Variants in PTPRN2 observed in about 807,000 individuals in gnomAD.
The protein encoded by PTPRN2 is protein tyrosine phosphatase receptor type N2.
Under a neutral mutation model 118.8 loss-of-function variants are expected in PTPRN2, and 74 were observed. The ratio of observed to expected loss-of-function variants is 0.62; its 90% CI spans 0.52 to 0.76. PTPRN2 has a LOEUF of 0.76. PTPRN2 is among the 30% of genes least tolerant of loss of function. The pLI, the probability that PTPRN2 is intolerant of heterozygous loss-of-function variation, is 0.00. For synonymous variants in PTPRN2, 641 were observed against 608.0 expected, an observed-to-expected ratio of 1.05 and a Z score of -0.80; for missense variants, 1,481 against 1,394.4, an observed-to-expected ratio of 1.06 and a Z score of -0.99.
intron 12 of PTPRN2, among the ~76,000 whole-genome samples, chr7:157,709,256 G>A (rs960990394): frequency 6.6e-6 from 1 of 152,218 alleles, no homozygotes; most frequent in Non-Finnish European, 1.5e-5. Context: ...TCAATACGAT[G>A]CCCTTCCATG....
intron 3 of PTPRN2, among the ~76,000 whole-genome samples, chr7:158,248,327 C>A (rs997712880): frequency 2.0e-5 from 3 of 152,170 alleles, no homozygotes; most frequent in Non-Finnish European, 2.9e-5. Flanking sequence ...CCTGCGTACC[C>A]CAAGATGCAG....
At chr7:158,466,007 G>A (rs1174065428) in intron 2 of PTPRN2, among the ~76,000 whole-genome samples, 1 of 152,210 alleles carries the variant, frequency 6.6e-6, no homozygotes, top group African/African-American at 2.4e-5. Flanking sequence ...CATCCATGCA[G>A]TAATAAAATG....
chr7:157,751,094 G>A (rs560292074), intron 12 of PTPRN2, among the ~76,000 whole-genome samples: 4 of 152,256 alleles, frequency 2.6e-5, no homozygotes, highest in Non-Finnish European at 2.9e-5. Flanking sequence ...GCTGTGAGCT[G>A]TGGGGCCGAG....
Position 157,560,395 on chromosome 7 carries a change from T to C in PTPRN2, c.2902+8507A>G, listed in dbSNP as rs535591248. On this transcript the variant is annotated intron_variant, in intron 21 of 22. Coordinates refer to ENST00000389418, the MANE Select transcript of PTPRN2 (RefSeq NM_002847.5). The surrounding 1 kb of genome is among the most constrained non-coding windows in gnomAD (Gnocchi z 6.7). ...TCCCCAAGACCAGCGGGTCTCATGC[T>C]GTCCACACGCTCCCACCAGGCGATC... 3.9e-5 allele frequency among the ~76,000 whole-genome samples: 6 copies of C among 152,128 alleles called. No individual in the cohort carries two copies. The South Asian group carries it at 1.2e-3, about 32-fold the overall frequency.
chr7:158,021,786 A>G (rs1327878378), intron 11 of PTPRN2, among the ~76,000 whole-genome samples: 4 of 152,224 alleles, frequency 2.6e-5, no homozygotes, highest in African/African-American at 9.6e-5. Flanking sequence ...GAAGCTGCCC[A>G]GGCTGTAGCA....
chr7:158,056,239 G>C (rs1003646408), intron 11 of PTPRN2, among the ~76,000 whole-genome samples: 1 of 152,154 alleles, frequency 6.6e-6, no homozygotes, highest in East Asian at 1.9e-4. Context: ...CCCAGACAAG[G>C]TCAGATCTCC....
Position 157,562,976 on chromosome 7 carries a change from T to A in PTPRN2, c.2902+5926A>T, listed in dbSNP as rs113622915. Among the ~76,000 whole-genome samples the A allele has an allele frequency of 4.3e-4, 28 of 64,578 alleles. 4 individuals are homozygous for A. Among genetic ancestry groups the A allele is most frequent in the East Asian group, 5.1e-4 (1 of 1,974 alleles). 42.4% of individuals were successfully genotyped at this position (64,578 alleles called of 152,430 possible). ...GCAGATCAGGACCACGTGCTCCCGC[T>A]TCACCACACACAGCAGATCAGGACC... On this transcript the variant is annotated intron_variant, in intron 21 of 22. Transcript: ENST00000389418.
chr7:158,024,400 C>A (rs964120767), intron 11 of PTPRN2, among the ~76,000 whole-genome samples: 1 of 152,172 alleles, frequency 6.6e-6, no homozygotes, highest in African/African-American at 2.4e-5. Flanking sequence ...GCTCTGCAGC[C>A]CTCCGTAACT....
At chr7:158,531,125 G>A (rs763999399) in intron 1 of PTPRN2, among the ~76,000 whole-genome samples, 25 of 152,292 alleles carry the variant, frequency 1.6e-4, no homozygotes, top group Non-Finnish European at 2.2e-4. Context: ...CCTAAGCTGC[G>A]ATGAGGGAAC....
intron 11 of PTPRN2, among the ~76,000 whole-genome samples, chr7:157,970,646 C>CA (rs1456350609): frequency 1.3e-5 from 2 of 150,840 alleles, no homozygotes; most frequent in African/African-American, 4.9e-5. Context: ...ACCCCCCCCC[C>CA]CACAGGTTGC....
At chr7:157,712,751 C>CAAAA (rs755055515) in intron 12 of PTPRN2, among the ~76,000 whole-genome samples, 1 of 89,898 alleles carries the variant, frequency 1.1e-5, no homozygotes. Context: ...AACTCCATCT[C>CAAAA]AAAAAAAAAA....
At chr7:158,347,745 A>G (rs181715817) in intron 2 of PTPRN2, among the ~76,000 whole-genome samples, 56 of 152,280 alleles carry the variant, frequency 3.7e-4, no homozygotes, top group Admixed American at 2.6e-3. Flanking sequence ...AACATGGGAT[A>G]CCTTCTATTT....
chr7:158,242,899 T>A (rs2150860795), intron 3 of PTPRN2, among the ~76,000 whole-genome samples: 1 of 152,356 alleles, frequency 6.6e-6, no homozygotes, highest in Non-Finnish European at 1.5e-5. Context: ...TTCTATTTAT[T>A]TGAGTCTTCT....
rs1372210959 is a variant in PTPRN2 at position 158,215,592 on chromosome 7, A to G, written c.278-10319T>C. 5.3e-5 allele frequency among the ~76,000 whole-genome samples: 8 copies of G among 152,370 alleles called. No homozygotes were observed. The South Asian group carries it at 1.7e-3, about 32-fold the overall frequency. On this transcript the variant is annotated intron_variant, in intron 3 of 22. Transcript: ENST00000389418. ...ATAATAATTAAGTTTCTGAAAACTTACAAAGAAAAATCTTAACAGCAGCCA... is the reference window on the plus strand; with the variant it reads ...ATAATAATTAAGTTTCTGAAAACTTGCAAAGAAAAATCTTAACAGCAGCCA...
chr7:157,830,097 C>T (rs2151158717), intron 12 of PTPRN2, among the ~76,000 whole-genome samples: 1 of 131,280 alleles, frequency 7.6e-6, no homozygotes, highest in African/African-American at 2.8e-5. Context: ...GTGTCCTTGA[C>T]CTCCTGTCTT....
At chr7:158,206,574 A>G (rs922894030) in intron 3 of PTPRN2, among the ~76,000 whole-genome samples, 2 of 151,400 alleles carry the variant, frequency 1.3e-5, no homozygotes, top group African/African-American at 4.9e-5. Flanking sequence ...GGAGGGGGGG[A>G]GAGAGAGAGA....
intron 12 of PTPRN2, among the ~76,000 whole-genome samples, chr7:157,726,579 A>G (rs1799614107): frequency 6.6e-6 from 1 of 152,266 alleles, no homozygotes; most frequent in Non-Finnish European, 1.5e-5. Context: ...CAAGACCTTT[A>G]TGACATTGGA....
At chr7:157,832,143 C>T (rs1807610667) in intron 12 of PTPRN2, among the ~76,000 whole-genome samples, 1 of 152,218 alleles carries the variant, frequency 6.6e-6, no homozygotes, top group Non-Finnish European at 1.5e-5. Context: ...GTGGCAGCTG[C>T]TCAGCCGGTC....
At chr7:157,771,914 A>C (rs1156458192) in intron 12 of PTPRN2, among the ~76,000 whole-genome samples, 1 of 150,300 alleles carries the variant, frequency 6.7e-6, no homozygotes, top group Admixed American at 6.6e-5. Context: ...ACACACAGAC[A>C]AACACACAGA....
Sources: gnomAD v4.1 joint callset for allele counts (sites outside exome capture counted in the v4.1 genomes callset) on GRCh38, gnomAD v4.1.1 for gene constraint, Gnocchi (gnomAD v3.1) non-coding constraint, MANE v1.5 for transcripts, NCBI Gene and HGNC (gene_info 2026-07-23, HGNC 2026-07-21) for gene names.